Variants in SHCBP1 observed in about 807,000 individuals in gnomAD.
SHCBP1 encodes SHC SH2 domain-binding protein 1.
A neutral mutation model predicts 75.1 loss-of-function variants in SHCBP1; 60 were observed. The observed-to-expected ratio is 0.80, with a 90% CI of 0.65 to 0.99. The LOEUF (loss-of-function observed/expected upper bound fraction) is 0.99. SHCBP1 is among the 50% of genes least tolerant of loss of function. The probability of loss-of-function intolerance (pLI) is 0.00; values close to 1 mark genes in which losing one functional copy is unlikely to be tolerated. For missense variants in SHCBP1, 709 were observed against 809.4 expected (o/e 0.88, Z 1.50); for synonymous variants, 290 against 293.2 (o/e 0.99, Z 0.11).
At chr16:46,583,790 G>T in intron 11 of SHCBP1, 133 bp from the exon 12 acceptor site, 1 of 1,103,934 alleles carries the variant, frequency 9.1e-7, no homozygotes, top group Non-Finnish European at 1.3e-6. Flanking sequence ...AGCACAGTCT[G>T]CACCCTTAGT....
At chr16:46,617,315 T>C (rs1965515240) in intron 3 of SHCBP1, among the ~76,000 whole-genome samples, 1 of 152,156 alleles carries the variant, frequency 6.6e-6, no homozygotes, top group African/African-American at 2.4e-5. Context: ...GCCTCTTAGG[T>C]TTGAGCTGCT....
chr16:46,608,221 A>G, intron 5 of SHCBP1, 76 bp downstream of exon 5: 2 of 867,136 alleles, frequency 2.3e-6, no homozygotes, highest in South Asian at 1.5e-5. Context: ...GTGTGTGTGT[A>G]TCTCACACAG....
intron 4 of SHCBP1, among the ~76,000 whole-genome samples, chr16:46,609,481 C>A (rs1380614771): frequency 8.7e-6 from 1 of 114,810 alleles, no homozygotes; most frequent in Non-Finnish European, 1.6e-5. Context: ...GATGGAGTCT[C>A]GCTCTTGTGG....
At chr16:46,600,545 T>C (rs545119823) in intron 8 of SHCBP1, among the ~76,000 whole-genome samples, 1 of 152,222 alleles carries the variant, frequency 6.6e-6, no homozygotes, top group Admixed American at 6.5e-5. Flanking sequence ...CCTTAGAAGT[T>C]TGTTTCTAAC....
At chr16:46,609,044 G>A (rs1245341598) in intron 4 of SHCBP1, among the ~76,000 whole-genome samples, 1 of 152,148 alleles carries the variant, frequency 6.6e-6, no homozygotes, top group African/African-American at 2.4e-5. Flanking sequence ...AAAGCTCCAG[G>A]GAAAGGTCAG....
rs542760446 is a variant in SHCBP1, at chr16:46,615,594, G to A, written c.596+352C>T. ...ATCTCTACTAAAAATACAAAAATTA[G>A]CAGGACATGGTGGTGCACACCTGTA... On this transcript the variant is annotated intron_variant, in intron 4 of 12. Coordinates refer to ENST00000303383, the MANE Select transcript of SHCBP1 (RefSeq NM_024745.5). Among the ~76,000 whole-genome samples, 629 of 152,104 alleles carry A rather than the reference G, an allele frequency of 4.1e-3. 1 individual carries two copies. Among genetic ancestry groups the A allele is most frequent in the Non-Finnish European group, 6.6e-3 (447 of 67,988 alleles).
chr16:46,600,114 T>C, intron 8 of SHCBP1, 152 bp from the exon 9 acceptor site: 1 of 887,206 alleles, frequency 1.1e-6, no homozygotes, highest in South Asian at 1.7e-5. Flanking sequence ...TCTCCCCACA[T>C]ATCCTGTTTA....
At chr16:46,611,561 A>G (rs1567452935) in intron 4 of SHCBP1, among the ~76,000 whole-genome samples, 1 of 152,234 alleles carries the variant, frequency 6.6e-6, no homozygotes, top group Non-Finnish European at 1.5e-5. Context: ...CTTAATGTAT[A>G]TATAGTTCAC....
intron 9 of SHCBP1, among the ~76,000 whole-genome samples, chr16:46,596,784 G>A (rs970595835): frequency 2.6e-5 from 4 of 151,128 alleles, no homozygotes; most frequent in African/African-American, 9.7e-5. Context: ...CTGGAGTGCA[G>A]TGGTGCGATC....
intron 5 of SHCBP1, 111 bp downstream of exon 5, chr16:46,608,184 AGT>A: frequency 1.6e-6 from 1 of 634,906 alleles, no homozygotes; most frequent in Non-Finnish European, 2.8e-6. Flanking sequence ...AGAGAGAGAG[AGT>A]GAGTGAGTGA....
chr16:46,599,981 C>T lies in SHCBP1; in HGVS notation c.1214-19G>A, dbSNP rs1342961312. On this transcript the variant is annotated intron_variant, in intron 8 of 12. Transcript: ENST00000303383. The stretch of plus-strand genomic sequence containing the variant: ...CCATATCCTAAGGAAGAGAGAGCAA[C>T]AACACTCAAGATGGGTGAGGAAAAA... 6.2e-7 allele frequency: 1 copy of T among 1,611,426 alleles called. No homozygotes were observed.
At chr16:46,591,268 T>A (rs1965044060) in intron 10 of SHCBP1, among the ~76,000 whole-genome samples, 1 of 152,178 alleles carries the variant, frequency 6.6e-6, no homozygotes, top group Non-Finnish European at 1.5e-5. Context: ...TATACATATG[T>A]AACAAACCTG....
chr16:46,584,907 A>T (rs1189972559), intron 10 of SHCBP1, among the ~76,000 whole-genome samples: 1 of 152,224 alleles, frequency 6.6e-6, no homozygotes, highest in African/African-American at 2.4e-5. Context: ...ATGTATGTTC[A>T]GTTAATTTTC....
intron 10 of SHCBP1, among the ~76,000 whole-genome samples, chr16:46,588,983 T>A (rs544468451): frequency 6.6e-6 from 1 of 151,982 alleles, no homozygotes; most frequent in South Asian, 2.1e-4. Flanking sequence ...ATGATCAAGT[T>A]GGCTTCATCC....
At chr16:46,614,247 C>T (rs572920484) in intron 4 of SHCBP1, among the ~76,000 whole-genome samples, 2 of 152,252 alleles carry the variant, frequency 1.3e-5, no homozygotes, top group Middle Eastern at 6.9e-3. Context: ...AAACACTCTG[C>T]TTCTTTGCAG....
Position 46,604,109 on chromosome 16 carries a change from G to T in SHCBP1, c.958C>A (p.Gln320Lys), listed in dbSNP as rs1567449509. The T allele has an allele frequency of 6.2e-7, 1 of 1,614,116 alleles. No individual in the cohort carries two copies. The highest frequency in any genetic ancestry group is 8.5e-7 in the Non-Finnish European group (1 of 1,180,012). ...VFGYQKNSNI[Q>K]AKGVRSSGQK... is the part of the protein sequence containing the mutation. Reference sequence around the variant, plus strand: ...CCGCTGGAACGGACACCCTTTGCTTGGATGTTAGAATTCTTCTGATAACCA... The same window carrying T: ...CCGCTGGAACGGACACCCTTTGCTTTGATGTTAGAATTCTTCTGATAACCA... The change falls in exon 7 of 13, where the codon CAA (glutamine) becomes AAA (lysine). Residue 320 changes from glutamine to lysine, a missense_variant. Physicochemically the swap from Gln to Lys is moderately conservative, Grantham distance 53. Coordinates refer to ENST00000303383, the MANE Select transcript of SHCBP1 (RefSeq NM_024745.5).
intron 3 of SHCBP1, 96 bp downstream of exon 3, chr16:46,617,538 A>G (rs1399575599): frequency 1.1e-6 from 1 of 902,400 alleles, no homozygotes; most frequent in Admixed American, 2.6e-5. Context: ...GAATCAGCTC[A>G]TAAACTTTAA....
At chr16:46,594,871 C>G (rs1483116061) in intron 10 of SHCBP1, among the ~76,000 whole-genome samples, 1 of 152,158 alleles carries the variant, frequency 6.6e-6, no homozygotes. Flanking sequence ...ACAAAACAAA[C>G]CGTGGAACAA....
In SHCBP1 at chr16:46,595,660, A is replaced by G; in HGVS notation, c.1356T>C (p.Arg452=). 6.2e-7 allele frequency: 1 copy of G among 1,613,402 alleles called. No homozygotes were observed. Among genetic ancestry groups the G allele is most frequent in the Non-Finnish European group, 8.5e-7 (1 of 1,179,450 alleles). Residue 452 remains arginine, a synonymous_variant, in exon 10 of 13, where the codon CGT becomes CGC. Coordinates refer to ENST00000303383, the MANE Select transcript of SHCBP1 (RefSeq NM_024745.5). ...DAVEGILIVH[R]GKTTLENCVL... ...CACAGTTTTCCAGCGTAGTCTTACC[A>G]CGGTGAACAACTGGGATGAAAATAC...
Sources: gnomAD v4.1 joint callset for allele counts (sites outside exome capture counted in the v4.1 genomes callset) on GRCh38, gnomAD v4.1.1 for gene constraint, MANE v1.5 for transcripts, NCBI Gene and HGNC (gene_info 2026-07-23, HGNC 2026-07-21) for gene names.